USP40: variants seen among roughly 807,000 people sequenced by gnomAD.
The protein encoded by USP40 is ubiquitin specific peptidase 40.
Under a neutral mutation model 166.2 loss-of-function variants are expected in USP40, and 143 were observed. The ratio of observed to expected loss-of-function variants is 0.86; its 90% confidence interval spans 0.75 to 0.99. The LOEUF is 0.99. Ranked by LOEUF, USP40 falls within the 50% of genes least tolerant of loss-of-function variation. The probability of loss-of-function intolerance (pLI) is 0.00; values close to 1 mark genes in which losing one functional copy is unlikely to be tolerated. For synonymous variants in USP40, 498 were observed against 524.0 expected (o/e 0.95, Z 0.68); for missense variants, 1,444 against 1,479.7 (o/e 0.98, Z 0.40).
rs114965388 is a variant in USP40, at chr2:233,483,565, G to T, written c.3504+1966C>A. Among the ~76,000 whole-genome samples, 253 of 152,232 alleles carry T rather than the reference G, an allele frequency of 1.7e-3. 2 individuals carry two copies. Among genetic ancestry groups the T allele is most frequent in the Middle Eastern group, 6.8e-3 (2 of 294 alleles). ...GTCTTCTAAAGATTGAAAATGAGTG[G>T]TTTTCACATTTAAGTCTTCAACTGG... is the stretch of plus-strand genomic sequence containing the variant. On this transcript the variant is annotated intron_variant, in intron 30 of 31. Coordinates refer to ENST00000678225, the MANE Select transcript of USP40 (RefSeq NM_001365479.2).
intron 21 of USP40, among the ~76,000 whole-genome samples, chr2:233,504,892 C>A (rs193282786): frequency 6.6e-6 from 1 of 152,184 alleles, no homozygotes; most frequent in African/African-American, 2.4e-5. Context: ...CCATCAACAA[C>A]TGCAGGATAC....
intron 19 of USP40, 23 bp from the exon 20 acceptor site, chr2:233,511,820 G>A: frequency 1.9e-6 from 3 of 1,554,922 alleles, no homozygotes; most frequent in Middle Eastern, 1.7e-4. Flanking sequence ...TTGATAATAT[G>A]ATGAAGGTTA....
Position 233,521,090 on chromosome 2 carries a change from C to T in USP40, c.2226G>A (p.Trp742Ter). Residue 742 changes from tryptophan to a stop codon, truncating the protein, a stop_gained, in exon 17 of 32, where the codon TGG becomes TGA. Coordinates refer to ENST00000678225, the MANE Select transcript of USP40 (RefSeq NM_001365479.2). LOFTEE classifies it high-confidence loss of function. ...AGTCAATCTCATTCATACTAGTGAC[C>T]CATTTCTCTTCCTTGGTCAACAAGC... ...DNSLLTKEEK[W>*]VTSMNEIDWL... The T allele has an allele frequency of 6.4e-7, 1 of 1,566,632 alleles. No homozygotes were observed. The highest frequency in any genetic ancestry group is 8.8e-7 in the Non-Finnish European group (1 of 1,140,962).
chr2:233,534,566 T>A lies in USP40; in HGVS notation c.1171-787A>T, dbSNP rs558988050. 1.5e-4 allele frequency among the ~76,000 whole-genome samples: 23 copies of A among 152,280 alleles called. No individual in the cohort carries two copies. In the South Asian group the frequency reaches 4.8e-3, roughly 32 times the overall value. ...ATTTTTCTCTTGGAAAGAAAGTAAT[T>A]TGTGGTAATGTCAACTCTCTGAGAA... On this transcript the variant is annotated intron_variant, in intron 10 of 31. Transcript: ENST00000678225.
At chr2:233,521,164 A>G (rs1169922505) in intron 16 of USP40, 50 bp from the exon 17 acceptor site, 1 of 1,561,408 alleles carries the variant, frequency 6.4e-7, no homozygotes, top group Middle Eastern at 1.7e-4. Flanking sequence ...CTTAGGCATC[A>G]CTTCCAAAAC....
rs2065587599 is a variant in USP40, at chr2:233,494,919, TATATATATATATATATATA to T, written c.2791-1387_2791-1369del. Among the ~76,000 whole-genome samples, 74 of 80,278 alleles carry T rather than the reference TATATATATATATATATATA, an allele frequency of 9.2e-4. 2 individuals carry two copies. The highest frequency in any genetic ancestry group is 7.4e-3 in the East Asian group (11 of 1,480). 52.7% of individuals were successfully genotyped at this position (80,278 alleles called of 152,430 possible). A position where few individuals can be genotyped will look rare whatever the true frequency, so the allele number is the denominator to read the frequency against. ...ACTCATATACAAGCAAAATGGCATATATATATATATATATATATATATATATATATATATATTTATATAT... is the reference window on the plus strand; with the variant it reads ...ACTCATATACAAGCAAAATGGCATATTATATATATATATATATTTATATAT... On this transcript the variant is annotated intron_variant, in intron 24 of 31. Transcript: ENST00000678225.
At chr2:233,495,849 A>C (rs2065717573) in intron 24 of USP40, among the ~76,000 whole-genome samples, 1 of 152,248 alleles carries the variant, frequency 6.6e-6, no homozygotes, top group South Asian at 2.1e-4. Flanking sequence ...ACAAAATATA[A>C]TAGAATTCTA....
chr2:233,531,559 C>T (rs2068527474), intron 11 of USP40, among the ~76,000 whole-genome samples: 1 of 152,186 alleles, frequency 6.6e-6, no homozygotes, highest in South Asian at 2.1e-4. Context: ...ATTTCTATAA[C>T]TGTGAATTCT....
At chr2:233,542,872 C>T (rs747580555) in intron 8 of USP40, among the ~76,000 whole-genome samples, 2 of 152,232 alleles carry the variant, frequency 1.3e-5, no homozygotes, top group Non-Finnish European at 2.9e-5. Context: ...ACAATACACA[C>T]AGTGGGTTCC....
intron 10 of USP40, among the ~76,000 whole-genome samples, chr2:233,534,503 G>A (rs1559263890): frequency 6.6e-6 from 1 of 152,028 alleles, no homozygotes; most frequent in Non-Finnish European, 1.5e-5. Flanking sequence ...TTTGACACTT[G>A]GGTACTTCAT....
chr2:233,525,388 A>C (rs2067944804), intron 14 of USP40, 90 bp downstream of exon 14: 1 of 858,562 alleles, frequency 1.2e-6, no homozygotes, highest in Middle Eastern at 2.3e-4. Context: ...GTAGGTGGGG[A>C]AGGACTGACA....
At chr2:233,501,226 G>A (rs933023077) in intron 21 of USP40, among the ~76,000 whole-genome samples, 1 of 152,116 alleles carries the variant, frequency 6.6e-6, no homozygotes, top group Non-Finnish European at 1.5e-5. Flanking sequence ...GAAATAGAGA[G>A]CATAAAAGCC....
At chr2:233,520,914 G>T in intron 17 of USP40, 77 bp downstream of exon 17, 2 of 1,492,376 alleles carry the variant, frequency 1.3e-6, no homozygotes, top group South Asian at 1.3e-5. Flanking sequence ...TGTTCTGAAA[G>T]ATTAAGGTAT....
chr2:233,523,044 A>T, intron 16 of USP40, 126 bp downstream of exon 16: 1 of 1,081,492 alleles, frequency 9.2e-7, no homozygotes, highest in Non-Finnish European at 1.3e-6. Flanking sequence ...CAATATTTAG[A>T]ACATAATGTC....
chr2:233,513,637 A>G (rs1215234337), intron 18 of USP40, among the ~76,000 whole-genome samples: 1 of 152,170 alleles, frequency 6.6e-6, no homozygotes, highest in Non-Finnish European at 1.5e-5. Flanking sequence ...AATGGTAGTA[A>G]TGAAATTCGT....
In USP40 at chr2:233,533,845, A is replaced by G. The variant is rs532141261; in HGVS notation, c.1171-66T>C. The stretch of plus-strand genomic sequence containing the variant: ...AAACAAAAATTAGATGTGATTAAAA[A>G]ATGTTTTCTTCCTTTCTGTGATTAG... On this transcript the variant is annotated intron_variant, in intron 10 of 31. Transcript: ENST00000678225. The G allele has an allele frequency of 4.3e-6, 6 of 1,406,526 alleles. No homozygotes were observed. The South Asian group carries it at 9.0e-5, about 21-fold the overall frequency. The allele number at this position is 1,406,526 out of a possible 1,614,324, so 87.1% of individuals were successfully genotyped here.
chr2:233,552,464 T>G (rs1575337933), intron 6 of USP40, among the ~76,000 whole-genome samples: 2 of 152,132 alleles, frequency 1.3e-5, no homozygotes, highest in South Asian at 4.1e-4. Context: ...AAACTTCCAC[T>G]GAAAAAGAAT....
rs201971737 is a variant in USP40, at chr2:233,521,096, C to G, written c.2220G>C (p.Glu740Asp). The G allele has an allele frequency of 3.7e-6, 6 of 1,612,152 alleles. No individual in the cohort carries two copies. In the East Asian group the frequency reaches 1.3e-4, roughly 36 times the overall value. Residue 740 changes from glutamate to aspartate, a missense_variant, in exon 17 of 32, where the codon GAG becomes GAC. Physicochemically the swap from Glu to Asp is conservative, Grantham distance 45. Coordinates refer to ENST00000678225, the MANE Select transcript of USP40 (RefSeq NM_001365479.2). ...HDDNSLLTKE[E>D]KWVTSMNEID... Reference sequence around the variant, plus strand: ...TCTCATTCATACTAGTGACCCATTTCTCTTCCTTGGTCAACAAGCTGTAGG... The same window carrying G: ...TCTCATTCATACTAGTGACCCATTTGTCTTCCTTGGTCAACAAGCTGTAGG...
At position 233,558,236 on chromosome 2, in the gene USP40, A is replaced by G. The variant is rs377190658; in HGVS notation, c.382-1217T>C. On this transcript the variant is annotated intron_variant, in intron 4 of 31. Coordinates refer to ENST00000678225, the MANE Select transcript of USP40 (RefSeq NM_001365479.2). ...GACCTTCTCCTACCACTGCAGGTCC[A>G]GTCCTAGAGGGTTTTCTGCAAGATC... Among the ~76,000 whole-genome samples the G allele has an allele frequency of 6.6e-5, 10 of 152,198 alleles. 2 individuals are homozygous for G. In the East Asian group the frequency reaches 7.7e-4, roughly 12 times the overall value.
Sources: gnomAD v4.1 joint callset for allele counts (sites outside exome capture counted in the v4.1 genomes callset) on GRCh38, gnomAD v4.1.1 for gene constraint, MANE v1.5 for transcripts, NCBI Gene and HGNC (gene_info 2026-07-23, HGNC 2026-07-21) for gene names.